SACM1L: variants seen among roughly 807,000 people sequenced by gnomAD.
SACM1L encodes the protein SAC1 like phosphatidylinositide phosphatase, also known as phosphatidylinositol-3-phosphatase SAC1.
In SACM1L, 32 loss-of-function variants were observed where a neutral mutation model predicts 89.5. The ratio of observed to expected loss-of-function variants is 0.36; its 90% CI spans 0.27 to 0.48. The LOEUF (loss-of-function observed/expected upper bound fraction) is 0.48, where lower values mean the gene tolerates loss of function less well. Among genes scored for constraint, SACM1L ranks in the 20% least tolerant of loss-of-function variants. The probability of loss-of-function intolerance (pLI) is 0.99; values close to 1 mark genes in which losing one functional copy is unlikely to be tolerated. For synonymous variants in SACM1L, 213 were observed against 232.8 expected (o/e 0.92, Z 0.77); for missense variants, 543 against 708.5 (o/e 0.77, Z 2.65).
At position 45,722,031 on chromosome 3, in the gene SACM1L, T is replaced by C. The variant is rs746160918; in HGVS notation, c.711T>C (p.Phe237=). 1.2e-6 allele frequency: 2 copies of C among 1,613,016 alleles called. No individual in the cohort carries two copies. The highest frequency in any genetic ancestry group is 1.7e-6 in the Non-Finnish European group (2 of 1,179,516). The change falls in exon 9 of 20, where the codon TTT becomes TTC. Residue 237 remains phenylalanine (F), a synonymous_variant. Coordinates refer to ENST00000389061, the MANE Select transcript of SACM1L (RefSeq NM_014016.5). ...ATTCGGAAGGCCATGCAGCTAACTT[T>C]GTAGAAACAGAACAAATTGTGCACT... is the stretch of plus-strand genomic sequence containing the variant. ...GIDSEGHAAN[F]VETEQIVHYN...
intron 11 of SACM1L, among the ~76,000 whole-genome samples, chr3:45,724,867 T>C (rs961862549): frequency 6.6e-6 from 1 of 152,176 alleles, no homozygotes; most frequent in African/African-American, 2.4e-5. Flanking sequence ...TTTTTGTATA[T>C]GGTGTAGGTG....
In SACM1L at chr3:45,730,296, G is replaced by A. The variant is rs142351391; in HGVS notation, c.922-1005G>A. 9.9e-3 allele frequency among the ~76,000 whole-genome samples: 1,484 copies of A among 149,448 alleles called. 18 individuals carry two copies. Among genetic ancestry groups the A allele is most frequent in the African/African-American group, 0.034 (1,406 of 40,766 alleles). ...AAGTCAGAGTCTCCTTTTCCCCTAC[G>A]GTTTGCTGGGGTTTTTTTTGTTTTA... is the stretch of plus-strand genomic sequence containing the variant. On this transcript the variant is annotated intron_variant, in intron 11 of 19. Transcript: ENST00000389061.
In SACM1L at chr3:45,735,315, A is replaced by T; in HGVS notation, c.1181A>T (p.Asp394Val). 6.2e-7 allele frequency: 1 copy of T among 1,610,890 alleles called. No homozygotes were observed. Among genetic ancestry groups the T allele is most frequent in the Non-Finnish European group, 8.5e-7 (1 of 1,179,146 alleles). ...CGAAGCAATTGCATGGATTGTCTAG[A>T]TAGAACCAATGTGATCCAGAGTTTG... Reference protein sequence around the residue: ...VFRSNCMDCLDRTNVIQSLLA... With the variant: ...VFRSNCMDCLVRTNVIQSLLA... The change falls in exon 14 of 20, where the codon GAT becomes GTT. Residue 394 changes from aspartate to valine, a missense_variant. Coordinates refer to ENST00000389061, the MANE Select transcript of SACM1L (RefSeq NM_014016.5).
At chr3:45,719,353 C>G in intron 7 of SACM1L, 147 bp from the exon 8 acceptor site, 1 of 483,642 alleles carries the variant, frequency 2.1e-6, no homozygotes, top group Non-Finnish European at 3.7e-6. Context: ...GATTATAGTA[C>G]TAAGGGCTTG....
In SACM1L at chr3:45,743,784, G is replaced by A. The variant is rs1022817856; in HGVS notation, c.*115G>A. On this transcript the variant is annotated 3_prime_UTR_variant, in exon 20 of 20. Coordinates refer to ENST00000389061, the MANE Select transcript of SACM1L (RefSeq NM_014016.5). ...GTCTTTTTAATGCCTTTATCCAAAA[G>A]CACATCTTGTGCTCCATGCAGGATG... 1.8e-6 allele frequency: 2 copies of A among 1,096,966 alleles called. No homozygotes were observed. Among genetic ancestry groups the A allele is most frequent in the African/African-American group, 1.6e-5 (1 of 62,986 alleles). 68.0% of individuals were successfully genotyped at this position (1,096,966 alleles called of 1,614,324 possible). A position where few individuals can be genotyped will look rare whatever the true frequency, so the allele number is the denominator to read the frequency against.
chr3:45,731,818 A>G (rs1190109625), intron 12 of SACM1L, among the ~76,000 whole-genome samples: 3 of 152,144 alleles, frequency 2.0e-5, no homozygotes, highest in African/African-American at 7.2e-5. Flanking sequence ...TTTCATGTTT[A>G]TATCTGCACA....
At chr3:45,721,332 A>C (rs577478972) in intron 8 of SACM1L, among the ~76,000 whole-genome samples, 1 of 152,044 alleles carries the variant, frequency 6.6e-6, no homozygotes, top group African/African-American at 2.4e-5. Flanking sequence ...GACCAGCCTG[A>C]CCAACATGGA....
At chr3:45,694,015 C>T (rs1037599433) in intron 1 of SACM1L, among the ~76,000 whole-genome samples, 5 of 152,120 alleles carry the variant, frequency 3.3e-5, no homozygotes, top group Non-Finnish European at 4.4e-5. Context: ...CTTGGCAGTT[C>T]GGCGTAGGTG....
At chr3:45,717,579 CT>C (rs1377690533) in intron 7 of SACM1L, among the ~76,000 whole-genome samples, 3 of 152,136 alleles carry the variant, frequency 2.0e-5, no homozygotes, top group Non-Finnish European at 4.4e-5. Context: ...TTTTATTATG[CT>C]GTTATACTTT....
chr3:45,737,102 G>A (rs1234966133), intron 14 of SACM1L: 1 of 156,278 alleles, frequency 6.4e-6, no homozygotes, highest in African/African-American at 2.4e-5. Context: ...ATGTCTGTGT[G>A]TGTGCACTTT....
At chr3:45,703,735 T>G (rs1698326759) in intron 2 of SACM1L, among the ~76,000 whole-genome samples, 200 bp downstream of exon 2, 1 of 152,144 alleles carries the variant, frequency 6.6e-6, no homozygotes, top group Non-Finnish European at 1.5e-5. Context: ...GGAGAAATGA[T>G]CTTGAAAATT....
intron 11 of SACM1L, among the ~76,000 whole-genome samples, chr3:45,724,422 A>T (rs763034898): frequency 2.0e-5 from 3 of 151,978 alleles, no homozygotes; most frequent in African/African-American, 7.2e-5. Flanking sequence ...GCATCTTTGC[A>T]TGTGCTCATT....
At chr3:45,707,306 AGT>A (rs749708963) in intron 4 of SACM1L, 34 of 166,448 alleles carry the variant, frequency 2.0e-4, no homozygotes, top group South Asian at 4.5e-4. Context: ...TGTGAATGTA[AGT>A]GTGTGTGTGT....
intron 1 of SACM1L, among the ~76,000 whole-genome samples, chr3:45,690,643 TC>T (rs1697957846): frequency 6.6e-6 from 1 of 152,250 alleles, no homozygotes; most frequent in Non-Finnish European, 1.5e-5. Context: ...GATTGCTTTT[TC>T]TACAGTGCAC....
intron 19 of SACM1L, chr3:45,739,896 C>G (rs1258743717): frequency 3.8e-6 from 2 of 523,888 alleles, no homozygotes; most frequent in Admixed American, 6.7e-5. Flanking sequence ...CAATGAGTGT[C>G]TGAGACAGGT....
chr3:45,720,859 T>G (rs1430999965), intron 8 of SACM1L, among the ~76,000 whole-genome samples: 1 of 152,204 alleles, frequency 6.6e-6, no homozygotes, highest in Non-Finnish European at 1.5e-5. Context: ...TACCTGCAAA[T>G]GTTATATGTA....
chr3:45,711,732 C>T (rs145700935), intron 5 of SACM1L, among the ~76,000 whole-genome samples: 4 of 152,198 alleles, frequency 2.6e-5, no homozygotes, highest in Admixed American at 6.5e-5. Context: ...TTTTTATGTA[C>T]GGCCATAGGA....
Position 45,699,215 on chromosome 3 carries a change from T to A in SACM1L, c.33-4223T>A, listed in dbSNP as rs1465980685. On this transcript the variant is annotated intron_variant, in intron 1 of 19. Coordinates refer to ENST00000389061, the MANE Select transcript of SACM1L (RefSeq NM_014016.5). ...TTACTCCATATCTAGCGCACCAGCA[T>A]GGCACATGTATACATATGTAACTAA... Among the ~76,000 whole-genome samples the A allele has an allele frequency of 3.3e-5, 5 of 152,172 alleles. No individual in the cohort carries two copies. In the East Asian group the frequency reaches 7.7e-4, roughly 23 times the overall value.
At chr3:45,741,514 T>C (rs1340396390) in intron 19 of SACM1L, among the ~76,000 whole-genome samples, 1 of 152,238 alleles carries the variant, frequency 6.6e-6, no homozygotes, top group African/African-American at 2.4e-5. Flanking sequence ...GTCCAGGATA[T>C]AGTGAGCCCT....
Sources: gnomAD v4.1 joint callset for allele counts (sites outside exome capture counted in the v4.1 genomes callset) on GRCh38, gnomAD v4.1.1 for gene constraint, MANE v1.5 for transcripts, NCBI Gene and HGNC (gene_info 2026-07-23, HGNC 2026-07-21) for gene names.